Variants in PCDHGB5 observed in about 807,000 individuals in gnomAD.
The protein encoded by PCDHGB5 is protocadherin gamma subfamily B, 5.
Under a neutral mutation model 62.9 loss-of-function variants are expected in PCDHGB5, and 48 were observed. The ratio of observed to expected loss-of-function variants is 0.76; its 90% confidence interval spans 0.61 to 0.97. The LOEUF is 0.97. Among genes scored for constraint, PCDHGB5 ranks in the 50% least tolerant of loss-of-function variants. PCDHGB5 has a pLI of 0.00. For synonymous variants in PCDHGB5, 474 were observed against 511.2 expected, an observed-to-expected ratio of 0.93 and a Z score of 0.98; for missense variants, 1,118 against 1,198.6, an observed-to-expected ratio of 0.93 and a Z score of 0.99.
intron 1 of PCDHGB5, chr5:141,410,680 G>A: frequency 6.5e-7 from 1 of 1,535,692 alleles, no homozygotes; most frequent in Non-Finnish European, 8.7e-7. Flanking sequence ...TCATATTTTA[G>A]GCATACTACT....
At chr5:141,407,622 A>G (rs2094961891) in intron 1 of PCDHGB5, among the ~76,000 whole-genome samples, 3 of 152,316 alleles carry the variant, frequency 2.0e-5, no homozygotes, top group South Asian at 2.1e-4. Context: ...TTGACATTCT[A>G]TATCTCGTAT....
chr5:141,490,910 A>G lies in PCDHGB5; in HGVS notation c.2398-3897A>G. The G allele has an allele frequency of 1.2e-6, 2 of 1,613,652 alleles. No individual in the cohort carries two copies. Among genetic ancestry groups the G allele is most frequent in the African/African-American group, 1.3e-5 (1 of 75,048 alleles). ...TCTCTGCATGTGTTTGTCCTAGACG[A>G]GAATGATAATGCCCCAGCTGTGCTG... On this transcript the variant is annotated intron_variant, in intron 1 of 3. Transcript: ENST00000617380. This position sits in a 1 kb window ranked among gnomAD's most constrained non-coding sequence, Gnocchi z 5.4.
Position 141,486,453 on chromosome 5 carries a change from C to T in PCDHGB5, c.2398-8354C>T, listed in dbSNP as rs776820667. 6.2e-6 allele frequency: 10 copies of T among 1,614,114 alleles called. No homozygotes were observed. The highest frequency in any genetic ancestry group is 1.1e-5 in the South Asian group (1 of 91,082). On this transcript the variant is annotated intron_variant, in intron 1 of 3. Transcript: ENST00000617380. The surrounding 1 kb of genome is among the most constrained non-coding windows in gnomAD (Gnocchi z 5.0). ...TCTAGCTATGACATCATGGTCACTGCTTCTGATGCTGGGAACCCTCCTCTC... is the reference window on the plus strand; with the variant it reads ...TCTAGCTATGACATCATGGTCACTGTTTCTGATGCTGGGAACCCTCCTCTC...
intron 1 of PCDHGB5, chr5:141,410,277 T>A (rs1461250700): frequency 1.9e-6 from 3 of 1,613,896 alleles, no homozygotes; most frequent in Non-Finnish European, 2.5e-6. Context: ...CAGTTTTACC[T>A]GGTGGTGGCC....
chr5:141,426,590 C>T (rs2096945493), intron 1 of PCDHGB5: 1 of 369,282 alleles, frequency 2.7e-6, no homozygotes, highest in East Asian at 7.4e-5. Context: ...TCCTCTGTGT[C>T]ATACCCTTAG....
At chr5:141,498,971 GGGAAGGAA>G (rs201769957) in intron 2 of PCDHGB5, among the ~76,000 whole-genome samples, 18,877 of 110,786 alleles carry the variant, frequency 0.17, 1,784 homozygotes, top group Admixed American at 0.31. Context: ...GAGGGAGGGA[GGGAAGGAA>G]GGAAGGAAGG....
In PCDHGB5 at chr5:141,431,019, C is replaced by A. The variant is rs1368671750; in HGVS notation, c.2397+30495C>A. 1 of 1,613,488 alleles carries A rather than the reference C, an allele frequency of 6.2e-7. No individual in the cohort carries two copies. The highest frequency in any genetic ancestry group is 1.7e-5 in the Admixed American group (1 of 59,968). ...CCGCGCAGCGGCAGCTTGGTCACGG[C>A]GGGCAGGATAGACCGGGAGGAGCTC... On this transcript the variant is annotated intron_variant, in intron 1 of 3. Transcript: ENST00000617380. The surrounding 1 kb of genome is among the most constrained non-coding windows in gnomAD (Gnocchi z 4.8).
chr5:141,415,076 G>A (rs772523894), intron 1 of PCDHGB5: 3 of 1,613,462 alleles, frequency 1.9e-6, no homozygotes, highest in South Asian at 1.1e-5. Context: ...CGCACGGCGC[G>A]AGCCCTGCTG....
chr5:141,409,867 C>A (rs376725837), intron 1 of PCDHGB5: 201 of 1,612,544 alleles, frequency 1.2e-4, no homozygotes, highest in Middle Eastern at 8.2e-4. Context: ...TGGGAGACCG[C>A]AATGACAACG....
chr5:141,486,671 C>T lies in PCDHGB5; in HGVS notation c.2398-8136C>T, dbSNP rs1307620045. The T allele has an allele frequency of 1.9e-6, 3 of 1,613,926 alleles. No homozygotes were observed. Among genetic ancestry groups the T allele is most frequent in the South Asian group, 1.1e-5 (1 of 91,078 alleles). On this transcript the variant is annotated intron_variant, in intron 1 of 3. Coordinates refer to ENST00000617380, the MANE Select transcript of PCDHGB5 (RefSeq NM_018925.3). This position sits in a 1 kb window ranked among gnomAD's most constrained non-coding sequence, Gnocchi z 5.0. Reference sequence around the variant, plus strand: ...CTACTCACTCCTGGAGCCCAGGAATCGAGATGTATCAGCTTCCTCTTTCAT... The same window carrying T: ...CTACTCACTCCTGGAGCCCAGGAATTGAGATGTATCAGCTTCCTCTTTCAT...
chr5:141,481,436 T>C (rs775003998), intron 1 of PCDHGB5, among the ~76,000 whole-genome samples: 5 of 152,220 alleles, frequency 3.3e-5, no homozygotes, highest in South Asian at 2.1e-4. Flanking sequence ...ATTGTATCAG[T>C]TTAGTACATG....
At chr5:141,413,841 T>C (rs1481867404) in intron 1 of PCDHGB5, 1 of 1,613,060 alleles carries the variant, frequency 6.2e-7, no homozygotes, top group Admixed American at 1.7e-5. Context: ...CCGACGGGGG[T>C]GACCCTCTCC....
chr5:141,445,311 G>A (rs2098463310), intron 1 of PCDHGB5, among the ~76,000 whole-genome samples: 1 of 152,150 alleles, frequency 6.6e-6, no homozygotes, highest in East Asian at 1.9e-4. Flanking sequence ...CAGTTTGTAG[G>A]TTGAGAGAAC....
chr5:141,511,560 T>C lies in PCDHGB5; in HGVS notation c.*387T>C. ...CCACCCCACTCCAACAGTTCCTCTT[T>C]CCCGAGTAAGGTGGTTGGGGTGTTG... On this transcript the variant is annotated 3_prime_UTR_variant, in exon 4 of 4. Coordinates refer to ENST00000617380, the MANE Select transcript of PCDHGB5 (RefSeq NM_018925.3). The C allele has an allele frequency of 3.3e-6, 1 of 298,990 alleles. No homozygotes were observed. The highest frequency in any genetic ancestry group is 3.7e-5 in the South Asian group (1 of 27,250). The allele number at this position is 298,990 out of a possible 1,614,324, so 18.5% of individuals were successfully genotyped here.
At chr5:141,494,890 C>A (rs1483157263) in intron 2 of PCDHGB5, 25 bp downstream of exon 2, 1 of 1,614,120 alleles carries the variant, frequency 6.2e-7, no homozygotes. Context: ...CTCCAGCCCA[C>A]CCTCTTCTCT....
chr5:141,415,747 T>TTTG, intron 1 of PCDHGB5: 1 of 797,602 alleles, frequency 1.3e-6, no homozygotes, highest in East Asian at 4.8e-5. Flanking sequence ...AAGGTTTTTT[T>TTTG]TTTTTTTTTT....
chr5:141,476,071 T>A lies in PCDHGB5; in HGVS notation c.2398-18736T>A. On this transcript the variant is annotated intron_variant, in intron 1 of 3. Transcript: ENST00000617380. The surrounding 1 kb of genome is among the most constrained non-coding windows in gnomAD (Gnocchi z 7.6). ...CCGCTGAAAGTTTCTCAGCGAAATC[T>A]CAGGGACGATCTGGACCCCGCTGAG... 6.6e-7 allele frequency: 1 copy of A among 1,522,792 alleles called. No individual in the cohort carries two copies. The highest frequency in any genetic ancestry group is 8.8e-7 in the Non-Finnish European group (1 of 1,142,680). 94.3% of individuals were successfully genotyped at this position (1,522,792 alleles called of 1,614,324 possible).
intron 1 of PCDHGB5, chr5:141,423,565 C>G: frequency 1.2e-6 from 2 of 1,613,594 alleles, no homozygotes; most frequent in Non-Finnish European, 1.7e-6. Context: ...TGGGGACACG[C>G]TCATCAGCCA....
chr5:141,452,584 T>C (rs992607928), intron 1 of PCDHGB5, among the ~76,000 whole-genome samples: 1 of 152,182 alleles, frequency 6.6e-6, no homozygotes, highest in Non-Finnish European at 1.5e-5. Context: ...TTTCCATCTT[T>C]GTATTTTTAT....
Sources: gnomAD v4.1 joint callset for allele counts (sites outside exome capture counted in the v4.1 genomes callset) on GRCh38, gnomAD v4.1.1 for gene constraint, Gnocchi (gnomAD v3.1) non-coding constraint, MANE v1.5 for transcripts, NCBI Gene and HGNC (gene_info 2026-07-23, HGNC 2026-07-21) for gene names.